CFAP91: variants seen among roughly 807,000 people sequenced by gnomAD.
The protein encoded by CFAP91 is cilia- and flagella-associated protein 91.
CFAP91 carries 85 observed loss-of-function variants against 95.9 expected under a neutral mutation model. The ratio of observed to expected loss-of-function variants is 0.89; its 90% CI spans 0.74 to 1.06. The LOEUF is 1.06. Ranked by LOEUF, CFAP91 falls within the 50% of genes least tolerant of loss-of-function variation. The pLI is 0.00. For synonymous variants in CFAP91, 335 were observed against 327.5 expected, an observed-to-expected ratio of 1.02 and a Z score of -0.25; for missense variants, 962 against 943.4, an observed-to-expected ratio of 1.02 and a Z score of -0.26.
Position 119,715,789 on chromosome 3 carries a change from A to G in CFAP91, c.682+46A>G, listed in dbSNP as rs776618435. On this transcript the variant is annotated intron_variant, in intron 6 of 17. Transcript: ENST00000273390. ...ACTATTGGCAGATGACGATGCTGAT[A>G]ACCACGCATGCTGTTCAAATGGCCC... The G allele has an allele frequency of 6.5e-6, 10 of 1,550,242 alleles. No individual in the cohort carries two copies. In the South Asian group the frequency reaches 1.0e-4, roughly 16 times the overall value.
At chr3:119,712,911 C>T (rs772371939) in intron 5 of CFAP91, among the ~76,000 whole-genome samples, 7 of 149,780 alleles carry the variant, frequency 4.7e-5, no homozygotes, top group South Asian at 4.2e-4. Flanking sequence ...GCTGAGATCA[C>T]GCCACTGTCC....
At chr3:119,707,139 T>TTAAAAGAATTCAAGTAGTATAAAAGCA in intron 2 of CFAP91, 1 of 541,184 alleles carries the variant, frequency 1.8e-6, no homozygotes, top group Non-Finnish European at 3.3e-6. Flanking sequence ...TATATGCCCA[T>TTAAAAGAATTCAAGTAGTATAAAAGCA]GTTAAAAGAA....
intron 6 of CFAP91, among the ~76,000 whole-genome samples, chr3:119,719,883 A>C (rs1577208524): frequency 6.6e-6 from 1 of 151,744 alleles, no homozygotes; most frequent in Non-Finnish European, 1.5e-5. Flanking sequence ...CAGGCGGATC[A>C]CTTGAGGTGA....
chr3:119,709,793 T>C, intron 4 of CFAP91, 46 bp from the exon 5 acceptor site: 1 of 1,392,390 alleles, frequency 7.2e-7, no homozygotes, highest in Non-Finnish European at 1.0e-6. Context: ...TTAGAGTGCA[T>C]TCATTGCAAA....
At chr3:119,715,376 A>G (rs766158734) in intron 5 of CFAP91, 186 bp from the exon 6 acceptor site, 10 of 707,220 alleles carry the variant, frequency 1.4e-5, no homozygotes, top group Middle Eastern at 4.6e-4. Flanking sequence ...GGTGAGAATA[A>G]CAAGGCAATT....
rs534465782 is a variant in CFAP91 at position 119,707,711 on chromosome 3, G to T, written c.359+150G>T. The T allele has an allele frequency of 4.0e-5, 14 of 353,692 alleles. No individual in the cohort carries two copies. In the South Asian group the frequency reaches 1.1e-3, roughly 28 times the overall value. The allele number at this position is 353,692 out of a possible 1,614,324, so 21.9% of individuals were successfully genotyped here. On this transcript the variant is annotated intron_variant, in intron 3 of 17. Transcript: ENST00000273390. ...AAACCTCTTTTGACCAAACAAACCT[G>T]ATTATATATTGTATATATGAGATAT...
At chr3:119,752,444 A>C (rs1260473699) in intron 17 of CFAP91, 4 of 152,250 alleles carry the variant, frequency 2.6e-5, no homozygotes, top group Non-Finnish European at 5.9e-5. Context: ...TGTAAATTAC[A>C]GCAGAAAAAC....
chr3:119,761,026 A>T (rs965751641), intron 17 of CFAP91, among the ~76,000 whole-genome samples: 3 of 151,870 alleles, frequency 2.0e-5, no homozygotes, highest in Admixed American at 1.3e-4. Flanking sequence ...AATAAAGATT[A>T]GACCAGAAAT....
intron 14 of CFAP91, among the ~76,000 whole-genome samples, chr3:119,745,905 A>G (rs760306325): frequency 5.3e-5 from 8 of 152,240 alleles, no homozygotes; most frequent in African/African-American, 1.9e-4. Context: ...CAAAGTGCCA[A>G]TCCACAAACA....
At chr3:119,715,528 G>T (rs1223590722) in intron 5 of CFAP91, 34 bp from the exon 6 acceptor site, 4 of 1,556,762 alleles carry the variant, frequency 2.6e-6, no homozygotes, top group Non-Finnish European at 3.5e-6. Flanking sequence ...GACCATAACA[G>T]GTTTCAATTT....
intron 17 of CFAP91, among the ~76,000 whole-genome samples, chr3:119,754,190 A>C (rs895958911): frequency 6.6e-6 from 1 of 152,186 alleles, no homozygotes; most frequent in Non-Finnish European, 1.5e-5. Context: ...ACTAGAGGAA[A>C]GGTGACCCTT....
In CFAP91 at chr3:119,730,244, T is replaced by A; in HGVS notation, c.885T>A (p.Val295=). The A allele has an allele frequency of 6.2e-7, 1 of 1,613,960 alleles. No individual in the cohort carries two copies. The highest frequency in any genetic ancestry group is 8.5e-7 in the Non-Finnish European group (1 of 1,179,976). ...IEKLQEIRLE[V]LKELLRKREE... The stretch of plus-strand genomic sequence containing the variant: ...GACTGCAGGAGATTCGCCTGGAAGT[T>A]CTAAAAGAGCTGTTGAGGAAGCGTG... The change falls in exon 8 of 18, where the codon GTT becomes GTA. Residue 295 remains valine (V), a synonymous_variant. Coordinates refer to ENST00000273390, the MANE Select transcript of CFAP91 (RefSeq NM_033364.4).
intron 10 of CFAP91, among the ~76,000 whole-genome samples, chr3:119,734,318 C>T (rs2053959674): frequency 1.3e-5 from 2 of 152,132 alleles, no homozygotes; most frequent in Non-Finnish European, 1.5e-5. Context: ...CAAAACAGGA[C>T]CTTAACAGTA....
At chr3:119,724,365 C>T (rs928767447) in intron 6 of CFAP91, among the ~76,000 whole-genome samples, 1 of 151,826 alleles carries the variant, frequency 6.6e-6, no homozygotes, top group Non-Finnish European at 1.5e-5. Flanking sequence ...AAAGGTACAT[C>T]GGCTTTATTT....
At chr3:119,725,474 T>A (rs984701971) in intron 6 of CFAP91, among the ~76,000 whole-genome samples, 1 of 152,214 alleles carries the variant, frequency 6.6e-6, no homozygotes, top group African/African-American at 2.4e-5. Context: ...TAAAAAAGTA[T>A]GTGGCCAAGT....
chr3:119,753,493 C>G (rs933979354), intron 17 of CFAP91, among the ~76,000 whole-genome samples: 1 of 152,144 alleles, frequency 6.6e-6, no homozygotes, highest in Non-Finnish European at 1.5e-5. Flanking sequence ...AATGTAAATT[C>G]TCTTTACAGA....
At position 119,726,873 on chromosome 3, in the gene CFAP91, T is replaced by TA. The variant is rs1246248118; in HGVS notation, c.860+526dup. ...CAGTCAGGATGCCTTGCGTGCTAGC[T>TA]AGAGCTGATGGGGCATTTCCTAGTT... On this transcript the variant is annotated intron_variant, in intron 7 of 17. Coordinates refer to ENST00000273390, the MANE Select transcript of CFAP91 (RefSeq NM_033364.4). 2.1e-5 allele frequency among the ~76,000 whole-genome samples: 3 copies of TA among 140,664 alleles called. No homozygotes were observed. In the Admixed American group the frequency reaches 2.3e-4, roughly 11 times the overall value. 92.3% of individuals were successfully genotyped at this position (140,664 alleles called of 152,430 possible). A position where few individuals can be genotyped will look rare whatever the true frequency, so the allele number is the denominator to read the frequency against.
intron 17 of CFAP91, among the ~76,000 whole-genome samples, chr3:119,756,685 T>C (rs968270520): frequency 6.6e-6 from 1 of 152,192 alleles, no homozygotes; most frequent in Non-Finnish European, 1.5e-5. Flanking sequence ...TAAGTTGACA[T>C]TGATAACTCA....
chr3:119,756,586 A>G (rs1347577361), intron 17 of CFAP91, among the ~76,000 whole-genome samples: 1 of 152,204 alleles, frequency 6.6e-6, no homozygotes, highest in Non-Finnish European at 1.5e-5. Flanking sequence ...GCAGTTATAA[A>G]ACAAAAGAGT....
Sources: gnomAD v4.1 joint callset for allele counts (sites outside exome capture counted in the v4.1 genomes callset) on GRCh38, gnomAD v4.1.1 for gene constraint, MANE v1.5 for transcripts, NCBI Gene and HGNC (gene_info 2026-07-23, HGNC 2026-07-21) for gene names.